Variants in ST7 observed in about 807,000 individuals in gnomAD.
ST7 encodes suppression of tumorigenicity 7, also known as suppressor of tumorigenicity 7 protein.
In ST7, 28 loss-of-function variants were observed where a neutral mutation model predicts 78.7. The ratio of observed to expected loss-of-function variants is 0.36; its 90% CI spans 0.26 to 0.49. The LOEUF (loss-of-function observed/expected upper bound fraction) is 0.49. Ranked by LOEUF, ST7 falls within the 20% of genes least tolerant of loss-of-function variation. The pLI, the probability that ST7 is intolerant of heterozygous loss-of-function variation, is 0.99. For missense variants in ST7, 418 were observed against 696.0 expected, an observed-to-expected ratio of 0.60 and a Z score of 4.49; for synonymous variants, 247 against 249.6, an observed-to-expected ratio of 0.99 and a Z score of 0.10.
chr7:117,062,609 AT>A (rs1417642221), intron 1 of ST7, among the ~76,000 whole-genome samples: 1 of 152,200 alleles, frequency 6.6e-6, no homozygotes, highest in Non-Finnish European at 1.5e-5. Flanking sequence ...TTTCTGGAAC[AT>A]TATATTTAAT....
intron 12 of ST7, 54 bp from the exon 13 acceptor site, chr7:117,209,733 G>T (rs2116033809): frequency 6.4e-7 from 1 of 1,573,004 alleles, no homozygotes; most frequent in Non-Finnish European, 8.6e-7. Context: ...TTTCAATACT[G>T]AATTCTAAAT....
intron 1 of ST7, among the ~76,000 whole-genome samples, chr7:117,038,573 C>T (rs1024345389): frequency 3.3e-5 from 5 of 152,156 alleles, no homozygotes; most frequent in African/African-American, 1.2e-4. Context: ...ATATTCTGCT[C>T]ATAAACTTGC....
intron 2 of ST7, among the ~76,000 whole-genome samples, chr7:117,118,908 A>T (rs753511498): frequency 3.3e-5 from 5 of 152,190 alleles, no homozygotes; most frequent in Non-Finnish European, 5.9e-5. Context: ...AACAATTAGT[A>T]GGCTTGTGAA....
At chr7:117,160,653 GTATA>G (rs1554443282) in intron 9 of ST7, among the ~76,000 whole-genome samples, 2 of 147,610 alleles carry the variant, frequency 1.4e-5, no homozygotes, top group Non-Finnish European at 3.0e-5. Flanking sequence ...GTGTGTGTGT[GTATA>G]TATATATATA....
At chr7:116,993,225 G>C (rs180674546) in intron 1 of ST7, among the ~76,000 whole-genome samples, 223 of 152,254 alleles carry the variant, frequency 1.5e-3, no homozygotes, top group Middle Eastern at 6.8e-3. Context: ...GTATTAGTTT[G>C]TTTTCACACT....
intron 1 of ST7, among the ~76,000 whole-genome samples, chr7:117,070,682 A>G (rs545903861): frequency 3.1e-4 from 47 of 151,852 alleles, no homozygotes; most frequent in African/African-American, 1.1e-3. Context: ...CTGGGACTAC[A>G]GGCGCCCGCC....
At position 117,051,687 on chromosome 7, in the gene ST7, G is replaced by A. The variant is rs181824492; in HGVS notation, c.152-48075G>A. Among the ~76,000 whole-genome samples the A allele has an allele frequency of 1.1e-3, 175 of 152,256 alleles. 1 individual carries two copies. Among genetic ancestry groups the A allele is most frequent in the Admixed American group, 2.0e-3 (30 of 15,294 alleles). On this transcript the variant is annotated intron_variant, in intron 1 of 15. Coordinates refer to ENST00000323984, the MANE Select transcript of ST7 (RefSeq NM_001369598.1). ...TTGTGTAAGATGAGAAGTGATGGTG[G>A]CCTGGACTAGAATGGTCAAGGTGGA... is the stretch of plus-strand genomic sequence containing the variant.
intron 1 of ST7, among the ~76,000 whole-genome samples, chr7:116,984,723 CCAACA>C (rs1305333835): frequency 6.6e-6 from 1 of 152,036 alleles, no homozygotes; most frequent in Non-Finnish European, 1.5e-5. Context: ...GTAAATATGC[CCAACA>C]CATGTGCAGA....
chr7:116,980,833 A>G (rs1169339692), intron 1 of ST7, among the ~76,000 whole-genome samples: 2 of 152,212 alleles, frequency 1.3e-5, no homozygotes, highest in African/African-American at 2.4e-5. Flanking sequence ...CAAAATAAGA[A>G]ATTAATTAGA....
At chr7:117,203,711 A>G (rs1811079850) in intron 12 of ST7, among the ~76,000 whole-genome samples, 1 of 152,144 alleles carries the variant, frequency 6.6e-6, no homozygotes, top group Non-Finnish European at 1.5e-5. Context: ...CTTTCTCCAT[A>G]CATTCTCTTT....
chr7:116,967,283 T>C, intron 1 of ST7: 1 of 471,182 alleles, frequency 2.1e-6, no homozygotes, highest in South Asian at 1.5e-5. Flanking sequence ...TTGGTAGGGC[T>C]CACATACCCG....
chr7:117,182,629 A>G (rs1269795927), intron 10 of ST7: 1 of 152,152 alleles, frequency 6.6e-6, no homozygotes, highest in Admixed American at 6.5e-5. Context: ...TTGACCACAC[A>G]ATCATAGGAA....
chr7:117,103,883 TAACTC>T (rs369076318), intron 2 of ST7, among the ~76,000 whole-genome samples: 79 of 152,256 alleles, frequency 5.2e-4, no homozygotes, highest in African/African-American at 1.5e-3. Flanking sequence ...GGAGCTCAAA[TAACTC>T]AATAGCAAAA....
At chr7:117,095,624 G>C (rs1800969926) in intron 1 of ST7, among the ~76,000 whole-genome samples, 1 of 152,154 alleles carries the variant, frequency 6.6e-6, no homozygotes, top group South Asian at 2.1e-4. Flanking sequence ...GCCCAGTCAG[G>C]TCCGATGAAA....
chr7:117,067,456 A>G (rs957418565), intron 1 of ST7, among the ~76,000 whole-genome samples: 1 of 152,156 alleles, frequency 6.6e-6, no homozygotes, highest in Non-Finnish European at 1.5e-5. Flanking sequence ...TTCTGAGTAC[A>G]AGGAAAAGTA....
intron 1 of ST7, among the ~76,000 whole-genome samples, chr7:116,978,177 C>T (rs1793790205): frequency 6.6e-6 from 1 of 152,184 alleles, no homozygotes; most frequent in East Asian, 1.9e-4. Flanking sequence ...ATGACATTTT[C>T]AGAGAAGAAC....
chr7:117,219,275 T>G lies in ST7; in HGVS notation c.1498+99T>G. 1 of 970,204 alleles carries G rather than the reference T, an allele frequency of 1.0e-6. No individual in the cohort carries two copies. The highest frequency in any genetic ancestry group is 1.6e-6 in the Non-Finnish European group (1 of 642,694). The allele number at this position is 970,204 out of a possible 1,614,324, so 60.1% of individuals were successfully genotyped here. On this transcript the variant is annotated intron_variant, in intron 14 of 15. Coordinates refer to ENST00000323984, the MANE Select transcript of ST7 (RefSeq NM_001369598.1). This position sits in a 1 kb window ranked among gnomAD's most constrained non-coding sequence, Gnocchi z 5.1. ...AGTTTAGAATGCTCCTTGTCTTTTA[T>G]TACTTTTCTCCAAACCCCTGTCCTT... is the stretch of plus-strand genomic sequence containing the variant.
Position 117,068,897 on chromosome 7 carries a change from T to A in ST7, c.152-30865T>A, listed in dbSNP as rs555163166. Among the ~76,000 whole-genome samples the A allele has an allele frequency of 3.7e-4, 57 of 152,318 alleles. 3 individuals are homozygous for A. The South Asian group carries it at 9.3e-3, about 25-fold the overall frequency. On this transcript the variant is annotated intron_variant, in intron 1 of 15. Coordinates refer to ENST00000323984, the MANE Select transcript of ST7 (RefSeq NM_001369598.1). ...AAACAGCGAGCAGCTGGGGAAAGAA[T>A]GAATACCCAGAACCCAGTGCCAGGA...
chr7:117,177,174 A>G (rs770924355), intron 10 of ST7, among the ~76,000 whole-genome samples: 10 of 152,220 alleles, frequency 6.6e-5, no homozygotes, highest in Non-Finnish European at 1.2e-4. Context: ...TAGATCTGCC[A>G]AGAGGACTAG....
Sources: gnomAD v4.1 joint callset for allele counts (sites outside exome capture counted in the v4.1 genomes callset) on GRCh38, gnomAD v4.1.1 for gene constraint, Gnocchi (gnomAD v3.1) non-coding constraint, MANE v1.5 for transcripts, NCBI Gene and HGNC (gene_info 2026-07-23, HGNC 2026-07-21) for gene names.